The following DNAH17 variants were observed in gnomAD, a reference collection of about 807,000 sequenced individuals.
DNAH17 encodes the protein dynein axonemal heavy chain 17, also known as axonemal beta dynein heavy chain 17.
In DNAH17, 376 loss-of-function variants were observed where a neutral mutation model predicts 485.6. That is an observed-to-expected ratio of 0.77 (90% CI 0.71 to 0.84). DNAH17 has a LOEUF of 0.84. DNAH17 is among the 40% of genes least tolerant of loss of function. The probability of loss-of-function intolerance (pLI) is 0.00; values close to 1 mark genes in which losing one functional copy is unlikely to be tolerated. For synonymous variants in DNAH17, 3,031 were observed against 2,405.9 expected (o/e 1.26, Z -7.60); for missense variants, 6,370 against 5,839.3 (o/e 1.09, Z -2.96).
chr17:78,433,009 C>T (rs2086735211), intron 75 of DNAH17, among the ~76,000 whole-genome samples: 1 of 148,662 alleles, frequency 6.7e-6, no homozygotes, highest in African/African-American at 2.4e-5. Context: ...CCCTCCTGGG[C>T]AGCTGAGTGC....
At chr17:78,560,693 C>T (rs777383485) in intron 13 of DNAH17, 47 bp downstream of exon 13, 7 of 1,499,076 alleles carry the variant, frequency 4.7e-6, no homozygotes, top group South Asian at 1.3e-5. Context: ...AGGCCCTCCC[C>T]CCGCTCCCAA....
intron 56 of DNAH17, among the ~76,000 whole-genome samples, chr17:78,466,335 A>G (rs569317268): frequency 6.6e-6 from 1 of 152,336 alleles, no homozygotes; most frequent in African/African-American, 2.4e-5. Flanking sequence ...TAGGAAAACC[A>G]GAGACCTTTG....
At chr17:78,567,197 T>C (rs1470969948) in intron 9 of DNAH17, 31 bp from the exon 10 acceptor site, 2 of 1,570,558 alleles carry the variant, frequency 1.3e-6, no homozygotes, top group Non-Finnish European at 1.7e-6. Context: ...AGTCAATTCA[T>C]CTTCACAACC....
At position 78,570,874 on chromosome 17, in the gene DNAH17, AAAAAG is replaced by A. The variant is rs1568272988; in HGVS notation, c.918+69_918+73del. The A allele has an allele frequency of 6.3e-6, 5 of 799,984 alleles. No individual in the cohort carries two copies. In the African/African-American group the frequency reaches 6.5e-5, roughly 10 times the overall value. The allele number at this position is 799,984 out of a possible 1,614,324, so 49.6% of individuals were successfully genotyped here. A position where few individuals can be genotyped will look rare whatever the true frequency, so the allele number is the denominator to read the frequency against. ...TCCCTCTCAAAAAAAAAAAAAAAAA[AAAAAG>A]AAAAAAGAAAAGAAAAGAAAAGAAA... On this transcript the variant is annotated intron_variant, in intron 6 of 80. Coordinates refer to ENST00000389840, the MANE Select transcript of DNAH17 (RefSeq NM_173628.4).
In DNAH17 at chr17:78,506,807, C is replaced by T. The variant is rs1393352057; in HGVS notation, c.4716G>A (p.Glu1572=). The change falls in exon 30 of 81, where the codon GAG becomes GAA. Residue 1572 remains glutamate (E), a synonymous_variant. Coordinates refer to ENST00000389840, the MANE Select transcript of DNAH17 (RefSeq NM_173628.4). ...ICEKALAEYL[E]TKRLAFPRFY... The stretch of plus-strand genomic sequence containing the variant: ...ACCGGGGGAAAGCCAGTCTTTTCGT[C>T]TCTAAATACTCTGCCAAAGCCTTTT... The T allele has an allele frequency of 6.2e-7, 1 of 1,614,006 alleles. No homozygotes were observed. The highest frequency in any genetic ancestry group is 1.7e-5 in the Admixed American group (1 of 60,022).
intron 33 of DNAH17, chr17:78,502,280 A>T: frequency 3.0e-6 from 1 of 337,144 alleles, no homozygotes; most frequent in Non-Finnish European, 5.4e-6. Flanking sequence ...TTTCAAGATG[A>T]TCTTTTGTTT....
rs761019098 is a variant in DNAH17 at position 78,458,564 on chromosome 17, C to G, written c.9977+1G>C. ...GGGTGGTCTCGGGGAGGAGCTGATA[C>G]CTGTTCGCCAGTAAGATCACCCTGT... On this transcript the variant is annotated splice_donor_variant, in intron 62 of 80. Transcript: ENST00000389840. LOFTEE classifies it high-confidence loss of function. 1.9e-6 allele frequency: 3 copies of G among 1,612,922 alleles called. No homozygotes were observed. Among genetic ancestry groups the G allele is most frequent in the Non-Finnish European group, 2.5e-6 (3 of 1,178,988 alleles).
chr17:78,534,009 AAAAT>A (rs1488741657), intron 19 of DNAH17, among the ~76,000 whole-genome samples: 3 of 152,228 alleles, frequency 2.0e-5, no homozygotes, highest in Non-Finnish European at 4.4e-5. Flanking sequence ...TTAAAAAAAT[AAAAT>A]AAAAAAACCT....
intron 71 of DNAH17, 103 bp downstream of exon 71, chr17:78,444,501 G>A (rs896245253): frequency 1.7e-6 from 2 of 1,151,046 alleles, no homozygotes; most frequent in Admixed American, 6.4e-5. Flanking sequence ...AAAAGTTCAG[G>A]GGATCAACTC....
intron 15 of DNAH17, among the ~76,000 whole-genome samples, chr17:78,552,201 G>A (rs989491210): frequency 3.9e-5 from 6 of 152,198 alleles, no homozygotes; most frequent in African/African-American, 9.6e-5. Context: ...GACTCCTCAC[G>A]TTAAAGGGTT....
At chr17:78,446,173 C>CCAAAAAA (rs1491135647) in intron 69 of DNAH17, among the ~76,000 whole-genome samples, 2 of 57,392 alleles carry the variant, frequency 3.5e-5, no homozygotes, top group African/African-American at 1.5e-4. Context: ...GACTCTGTCT[C>CCAAAAAA]AAAAAAAAAA....
chr17:78,500,925 A>G, intron 35 of DNAH17: 1 of 351,078 alleles, frequency 2.8e-6, no homozygotes, highest in Non-Finnish European at 5.1e-6. Context: ...TACGACAACC[A>G]GAGTCTGCTC....
At chr17:78,544,083 G>C (rs570848882) in intron 16 of DNAH17, 86 bp from the exon 17 acceptor site, 406 of 1,576,920 alleles carry the variant, frequency 2.6e-4, no homozygotes, top group Non-Finnish European at 3.3e-4. Context: ...TTTGATGTGA[G>C]TTTCGTCACT....
chr17:78,451,307 C>T (rs569045208), intron 66 of DNAH17, among the ~76,000 whole-genome samples, 162 bp downstream of exon 66: 1 of 152,200 alleles, frequency 6.6e-6, no homozygotes, highest in Admixed American at 6.5e-5. Flanking sequence ...GCCATCCTGT[C>T]GTATGAGAAG....
At chr17:78,577,050 GAGGCA>G (rs1370620160) in intron 1 of DNAH17, among the ~76,000 whole-genome samples, 2 of 152,228 alleles carry the variant, frequency 1.3e-5, no homozygotes, top group East Asian at 3.9e-4. Flanking sequence ...CCAGGGGGCT[GAGGCA>G]AGGCCTTCCC....
At chr17:78,484,184 G>A (rs1320893732) in intron 48 of DNAH17, among the ~76,000 whole-genome samples, 2 of 149,490 alleles carry the variant, frequency 1.3e-5, no homozygotes, top group African/African-American at 4.9e-5. Context: ...TGCCACCTTT[G>A]GTTTCTCGGT....
intron 19 of DNAH17, among the ~76,000 whole-genome samples, chr17:78,533,783 C>G (rs190210799): frequency 6.6e-6 from 1 of 152,280 alleles, no homozygotes; most frequent in Non-Finnish European, 1.5e-5. Context: ...CTCCCAGGTT[C>G]AAGTGATTCT....
chr17:78,491,592 A>T, intron 42 of DNAH17, 22 bp from the exon 43 acceptor site: 1 of 1,610,636 alleles, frequency 6.2e-7, no homozygotes, highest in Non-Finnish European at 8.5e-7. Flanking sequence ...GCGTGGTATG[A>T]CCCCGGGCCC....
chr17:78,450,148 GT>G, intron 68 of DNAH17, 105 bp downstream of exon 68: 1 of 1,377,772 alleles, frequency 7.3e-7, no homozygotes, highest in Non-Finnish European at 1.0e-6. Flanking sequence ...CCCTCTGAGG[GT>G]GGCCCTGGCA....
Sources: allele counts gnomAD v4.1 joint callset (sites outside exome capture counted in the v4.1 genomes callset), GRCh38; gene constraint gnomAD v4.1.1; transcripts MANE v1.5; gene names NCBI Gene and HGNC (gene_info 2026-07-23, HGNC 2026-07-21).